Variants in FAM120B observed in about 807,000 individuals in gnomAD.
The protein encoded by FAM120B is family with sequence similarity 120 member B.
In FAM120B, 83 loss-of-function variants were observed where a neutral mutation model predicts 96.3. That is an observed-to-expected ratio of 0.86 (90% CI 0.72 to 1.03). The LOEUF (loss-of-function observed/expected upper bound fraction) is 1.03, where lower values mean the gene tolerates loss of function less well. Among genes scored for constraint, FAM120B ranks in the 50% least tolerant of loss-of-function variants. The probability of loss-of-function intolerance (pLI) is 0.00; values close to 1 mark genes in which losing one functional copy is unlikely to be tolerated. For synonymous variants in FAM120B, 407 were observed against 402.7 expected (o/e 1.01, Z -0.13); for missense variants, 1,027 against 1,121.2 (o/e 0.92, Z 1.20).
chr6:170,314,431 C>T (rs188465868), intron 1 of FAM120B, among the ~76,000 whole-genome samples: 33 of 152,292 alleles, frequency 2.2e-4, no homozygotes, highest in Non-Finnish European at 1.5e-4. Flanking sequence ...GGATGGTGAG[C>T]CCCACCTCAA....
chr6:170,399,807 A>G (rs1175042452), intron 9 of FAM120B, among the ~76,000 whole-genome samples: 2 of 140,954 alleles, frequency 1.4e-5, no homozygotes, highest in East Asian at 3.7e-4. Context: ...AGGTAGAACT[A>G]TGTCATAAGC....
chr6:170,389,734 AT>A (rs1489722476), intron 7 of FAM120B, among the ~76,000 whole-genome samples: 1 of 151,314 alleles, frequency 6.6e-6, no homozygotes, highest in African/African-American at 2.4e-5. Context: ...TAATTTTTGT[AT>A]TTTCTGTAGA....
At position 170,317,338 on chromosome 6, in the gene FAM120B, A is replaced by G. The variant is rs79263087; in HGVS notation, c.-21-32A>G. ...GTGCCATATATCTAATGATAATGCC[A>G]TAATTACTGATTAATTTATCTTTCT... On this transcript the variant is annotated intron_variant, in intron 1 of 10. Coordinates refer to ENST00000476287, the MANE Select transcript of FAM120B (RefSeq NM_032448.3). The G allele has an allele frequency of 1.4e-4, 216 of 1,532,736 alleles. 1 individual carries two copies. The African/African-American group carries it at 2.8e-3, about 20-fold the overall frequency. The allele number at this position is 1,532,736 out of a possible 1,614,324, so 94.9% of individuals were successfully genotyped here. A position where few individuals can be genotyped will look rare whatever the true frequency, so the allele number is the denominator to read the frequency against.
intron 1 of FAM120B, among the ~76,000 whole-genome samples, chr6:170,296,132 C>G (rs1054589370): frequency 1.8e-4 from 28 of 152,142 alleles, no homozygotes; most frequent in Admixed American, 1.4e-3. Flanking sequence ...ACCGCAGCAG[C>G]TGCTGCGGGC....
At chr6:170,343,085 A>T (rs1786944876) in intron 4 of FAM120B, among the ~76,000 whole-genome samples, 1 of 152,182 alleles carries the variant, frequency 6.6e-6, no homozygotes, top group African/African-American at 2.4e-5. Flanking sequence ...ATCACACCTG[A>T]GTTAGCCATT....
chr6:170,357,812 T>G (rs1788050671), intron 5 of FAM120B, among the ~76,000 whole-genome samples: 1 of 152,224 alleles, frequency 6.6e-6, no homozygotes, highest in South Asian at 2.1e-4. Flanking sequence ...CCAGCTGGGC[T>G]GTGAGTTGTG....
intron 5 of FAM120B, among the ~76,000 whole-genome samples, chr6:170,356,298 A>G (rs1049224178): frequency 6.6e-6 from 1 of 152,206 alleles, no homozygotes. Context: ...TTAAATTGGA[A>G]CTTTTAAAAA....
At chr6:170,393,142 T>C (rs187311706) in intron 8 of FAM120B, among the ~76,000 whole-genome samples, 214 of 99,412 alleles carry the variant, frequency 2.2e-3, no homozygotes, top group Admixed American at 3.1e-3. Flanking sequence ...CGAGACCCTG[T>C]CTTTACAAAA....
chr6:170,313,584 G>A (rs551708238), intron 1 of FAM120B, among the ~76,000 whole-genome samples: 1 of 152,316 alleles, frequency 6.6e-6, no homozygotes, highest in South Asian at 2.1e-4. Context: ...TACAAACATT[G>A]TGATGTTATA....
chr6:170,298,997 G>C (rs1158831659), intron 1 of FAM120B, among the ~76,000 whole-genome samples: 1 of 152,216 alleles, frequency 6.6e-6, no homozygotes, highest in African/African-American at 2.4e-5. Context: ...ACTCATCACA[G>C]GGGCTGAGGA....
rs754518655 is a variant in FAM120B, at chr6:170,395,559, C to T, written c.2672C>T (p.Pro891Leu). 1.4e-5 allele frequency: 22 copies of T among 1,595,386 alleles called. No individual in the cohort carries two copies. The highest frequency in any genetic ancestry group is 2.3e-5 in the South Asian group (2 of 87,582). ...SGYSRSSQGQ[P>L]WRDQGPGSRQ... ...TATAGCCGTTCCAGTCAGGGACAGCCGTGGAGAGACCAGGGACCAGGTAAG... is the reference window on the plus strand; with the variant it reads ...TATAGCCGTTCCAGTCAGGGACAGCTGTGGAGAGACCAGGGACCAGGTAAG... Residue 891 changes from proline to leucine, a missense_variant, in exon 9 of 11, where the codon CCG becomes CTG. Pro to Leu is a moderately conservative substitution (Grantham distance 98, BLOSUM62 -3). Coordinates refer to ENST00000476287, the MANE Select transcript of FAM120B (RefSeq NM_032448.3).
intron 6 of FAM120B, among the ~76,000 whole-genome samples, chr6:170,368,688 C>G (rs1442540026): frequency 1.3e-5 from 2 of 152,208 alleles, no homozygotes; most frequent in Non-Finnish European, 2.9e-5. Context: ...AGTAGATGTA[C>G]TGGTCAGTTT....
chr6:170,377,663 A>T (rs6906802), intron 6 of FAM120B, among the ~76,000 whole-genome samples: 114 of 18,852 alleles, frequency 6.0e-3, no homozygotes, highest in African/African-American at 0.026. Context: ...GCGTCCCTAA[A>T]CCCAGACGCC....
chr6:170,376,967 C>T (rs1157619072), intron 6 of FAM120B, among the ~76,000 whole-genome samples: 2 of 119,664 alleles, frequency 1.7e-5, no homozygotes, highest in African/African-American at 7.0e-5. Flanking sequence ...CAGGGCTGCT[C>T]TGTGCTGTGC....
At position 170,318,041 on chromosome 6, in the gene FAM120B, C is replaced by CT; in HGVS notation, c.652dup (p.Cys218LeufsTer23). The stretch of plus-strand genomic sequence containing the variant: ...AGAAGCTCTGTGAGAGTCTGGGCCT[C>CT]TGTGTGGCCGACCTTCCTCTTCTGG... On this transcript the variant is annotated frameshift_variant, in exon 2 of 11. Transcript: ENST00000476287. LOFTEE classifies it high-confidence loss of function. The CT allele has an allele frequency of 6.2e-7, 1 of 1,614,180 alleles. No homozygotes were observed. Among genetic ancestry groups the CT allele is most frequent in the Non-Finnish European group, 8.5e-7 (1 of 1,180,012 alleles).
rs199886904 is a variant in FAM120B, at chr6:170,363,775, GT to G, written c.2283+5465del. Among the ~76,000 whole-genome samples the G allele has an allele frequency of 2.0e-5, 3 of 151,908 alleles. No individual in the cohort carries two copies. The highest frequency in any genetic ancestry group is 4.4e-5 in the Non-Finnish European group (3 of 67,972). On this transcript the variant is annotated intron_variant, in intron 6 of 10. Transcript: ENST00000476287. The surrounding 1 kb of genome is among the most constrained non-coding windows in gnomAD (Gnocchi z 4.5). Reference sequence around the variant, plus strand: ...CTTATTAAACATCATGTTTTATTTTGTTTTTTTTAGACAGAGTCTCACCCTG... The same window carrying G: ...CTTATTAAACATCATGTTTTATTTTGTTTTTTTAGACAGAGTCTCACCCTG...
chr6:170,397,538 G>C (rs1487032993), intron 9 of FAM120B, among the ~76,000 whole-genome samples: 1 of 152,096 alleles, frequency 6.6e-6, no homozygotes, highest in Non-Finnish European at 1.5e-5. Context: ...CTTGACCCAG[G>C]TGATTGCAGC....
chr6:170,339,778 CAAAA>C (rs35932232), intron 4 of FAM120B, among the ~76,000 whole-genome samples: 1 of 90,256 alleles, frequency 1.1e-5, no homozygotes, highest in Non-Finnish European at 2.3e-5. Context: ...GACTCCATCT[CAAAA>C]AAAAAAAAAA....
At chr6:170,337,431 G>GC (rs150806557) in intron 4 of FAM120B, among the ~76,000 whole-genome samples, 2,035 of 152,278 alleles carry the variant, frequency 0.013, 38 homozygotes, top group African/African-American at 0.043. Flanking sequence ...GATTTGGTTT[G>GC]CCATTATTTT....
Sources: allele counts gnomAD v4.1 joint callset (sites outside exome capture counted in the v4.1 genomes callset), GRCh38; gene constraint gnomAD v4.1.1; non-coding constraint Gnocchi (gnomAD v3.1); transcripts MANE v1.5; gene names NCBI Gene and HGNC (gene_info 2026-07-23, HGNC 2026-07-21).